Variants in EYA2 observed in about 807,000 individuals in gnomAD.
EYA2 encodes protein phosphatase EYA2.
Under a neutral mutation model 69.2 loss-of-function variants are expected in EYA2, and 31 were observed. That is an observed-to-expected ratio of 0.45 (90% CI 0.34 to 0.60). The LOEUF is 0.60. Among genes scored for constraint, EYA2 ranks in the 20% least tolerant of loss-of-function variants. EYA2 has a pLI of 0.02. For missense variants in EYA2, 622 were observed against 701.2 expected, an observed-to-expected ratio of 0.89 and a Z score of 1.28; for synonymous variants, 257 against 279.4, an observed-to-expected ratio of 0.92 and a Z score of 0.80.
chr20:47,065,594 T>C (rs1171686213), intron 5 of EYA2, among the ~76,000 whole-genome samples: 1 of 152,230 alleles, frequency 6.6e-6, no homozygotes, highest in Non-Finnish European at 1.5e-5. Context: ...TAAATTTGTT[T>C]AATTTTTATT....
chr20:47,062,190 C>G (rs1200319481), intron 5 of EYA2, among the ~76,000 whole-genome samples: 1 of 152,206 alleles, frequency 6.6e-6, no homozygotes, highest in Non-Finnish European at 1.5e-5. Context: ...CCTCGGACCA[C>G]CACCCCAGGA....
chr20:47,041,668 C>T (rs1384370203), intron 5 of EYA2, among the ~76,000 whole-genome samples: 2 of 151,526 alleles, frequency 1.3e-5, no homozygotes, highest in Admixed American at 6.6e-5. Flanking sequence ...TTGTTGGACT[C>T]GGTAGGAAGG....
At chr20:47,041,987 A>G (rs1056385998) in intron 5 of EYA2, among the ~76,000 whole-genome samples, 1 of 152,146 alleles carries the variant, frequency 6.6e-6, no homozygotes, top group Non-Finnish European at 1.5e-5. Context: ...ATAAAATTAT[A>G]AAATAAATAT....
intron 1 of EYA2, among the ~76,000 whole-genome samples, chr20:46,913,116 A>G (rs1984734910): frequency 1.3e-5 from 2 of 152,206 alleles, no homozygotes; most frequent in African/African-American, 4.8e-5. Context: ...AAATACTCCC[A>G]CCATGGTCAC....
chr20:46,941,355 GA>G (rs531687737), intron 1 of EYA2, among the ~76,000 whole-genome samples: 119 of 152,350 alleles, frequency 7.8e-4, no homozygotes, highest in African/African-American at 2.8e-3. Flanking sequence ...GAAGTAGAAC[GA>G]AACTCCTAAG....
At chr20:47,155,630 G>A (rs980729360) in intron 10 of EYA2, among the ~76,000 whole-genome samples, 13 of 151,886 alleles carry the variant, frequency 8.6e-5, no homozygotes, top group African/African-American at 2.2e-4. Context: ...CAGGCATTGC[G>A]CATGAACCAT....
rs59780173 is a variant in EYA2, at chr20:47,149,688, CAAAAA to C, written c.978+6559_978+6563del. Reference sequence around the variant, plus strand: ...CAAAACCCCATCTCTACTAAAAATACAAAAAAAAAAAAAAAAAAAAAAATTAGCCA... The same window carrying C: ...CAAAACCCCATCTCTACTAAAAATACAAAAAAAAAAAAAAAAAATTAGCCA... On this transcript the variant is annotated intron_variant, in intron 10 of 15. Transcript: ENST00000327619. 4.6e-3 allele frequency among the ~76,000 whole-genome samples: 470 copies of C among 102,712 alleles called. 5 individuals carry two copies. The highest frequency in any genetic ancestry group is 0.015 in the African/African-American group (413 of 26,984). 67.4% of individuals were successfully genotyped at this position (102,712 alleles called of 152,430 possible).
rs374302302 is a variant in EYA2, at chr20:46,992,416, CATTT to C, written c.109+2299_109+2302del. 3.1e-4 allele frequency among the ~76,000 whole-genome samples: 47 copies of C among 152,358 alleles called. 1 individual carries two copies. The highest frequency in any genetic ancestry group is 1.1e-3 in the African/African-American group (46 of 41,584). ...CTGATCAGTACTCTGTACTATTTCT[CATTT>C]AATTATTATACAACTGGTAGGCTAT... On this transcript the variant is annotated intron_variant, in intron 2 of 15. Coordinates refer to ENST00000327619, the MANE Select transcript of EYA2 (RefSeq NM_005244.5).
chr20:47,029,500 A>G (rs550205773), intron 5 of EYA2, among the ~76,000 whole-genome samples: 2 of 152,360 alleles, frequency 1.3e-5, no homozygotes, highest in Admixed American at 6.5e-5. Flanking sequence ...CTGTATCTGC[A>G]GGGGAAGCAT....
chr20:47,055,520 C>T (rs1029105437), intron 5 of EYA2, among the ~76,000 whole-genome samples: 2 of 152,142 alleles, frequency 1.3e-5, no homozygotes, highest in African/African-American at 2.4e-5. Flanking sequence ...TTGCTGCGAC[C>T]GCCTTACCTG....
rs373256218 is a variant in EYA2, at chr20:47,052,022, AAT to A, written c.416-20161_416-20160del. Among the ~76,000 whole-genome samples, 927 of 152,318 alleles carry A rather than the reference AAT, an allele frequency of 6.1e-3. 7 individuals carry two copies. The highest frequency in any genetic ancestry group is 0.021 in the African/African-American group (855 of 41,560). Reference sequence around the variant, plus strand: ...TGTTGTGTGCCAGGTTCCAGCTGGAAATAGTGCCGAGAACAAAACAGATACTC... The same window carrying A: ...TGTTGTGTGCCAGGTTCCAGCTGGAAAGTGCCGAGAACAAAACAGATACTC... On this transcript the variant is annotated intron_variant, in intron 5 of 15. Transcript: ENST00000327619.
chr20:47,032,629 T>C (rs1450146084), intron 5 of EYA2, among the ~76,000 whole-genome samples: 2 of 152,188 alleles, frequency 1.3e-5, no homozygotes, highest in Non-Finnish European at 2.9e-5. Context: ...CCCACTTTAG[T>C]CTCTTGTTTG....
chr20:46,904,548 G>C (rs76073472), intron 1 of EYA2, among the ~76,000 whole-genome samples: 1,652 of 152,114 alleles, frequency 0.011, 31 homozygotes, highest in African/African-American at 0.036. Context: ...CGCTGCTATT[G>C]AGCAGTCTTT....
intron 5 of EYA2, 21 bp from the exon 6 acceptor site, chr20:47,072,164 C>A (rs1175414591): frequency 8.1e-6 from 13 of 1,608,012 alleles, no homozygotes; most frequent in Non-Finnish European, 1.1e-5. Flanking sequence ...TAACCTGTAC[C>A]CCTGTTCCTC....
chr20:47,162,028 C>A (rs2034078866), intron 10 of EYA2, among the ~76,000 whole-genome samples: 1 of 152,142 alleles, frequency 6.6e-6, no homozygotes, highest in Non-Finnish European at 1.5e-5. Flanking sequence ...AAGGGAGAAT[C>A]TTTTCCTTGC....
intron 5 of EYA2, among the ~76,000 whole-genome samples, chr20:47,065,954 C>T (rs1044594888): frequency 2.6e-5 from 4 of 152,164 alleles, no homozygotes; most frequent in Admixed American, 6.5e-5. Flanking sequence ...GTCTGCCACA[C>T]GGTGATATTT....
At chr20:47,079,253 A>G (rs1389459578) in intron 7 of EYA2, among the ~76,000 whole-genome samples, 1 of 152,256 alleles carries the variant, frequency 6.6e-6, no homozygotes, top group Non-Finnish European at 1.5e-5. Flanking sequence ...ACAAATTATT[A>G]TGACCTTTGT....
At chr20:46,963,556 C>G (rs199878653) in intron 1 of EYA2, among the ~76,000 whole-genome samples, 2 of 152,232 alleles carry the variant, frequency 1.3e-5, no homozygotes, top group Non-Finnish European at 2.9e-5. Context: ...GGGTCATGTG[C>G]AAGACCTAGG....
chr20:47,108,060 G>C (rs1440393175), intron 9 of EYA2, among the ~76,000 whole-genome samples: 1 of 152,196 alleles, frequency 6.6e-6, no homozygotes, highest in East Asian at 1.9e-4. Flanking sequence ...CTGGAGCACA[G>C]CAGACTGACT....
Sources: allele counts gnomAD v4.1 joint callset (sites outside exome capture counted in the v4.1 genomes callset), GRCh38; gene constraint gnomAD v4.1.1; transcripts MANE v1.5; gene names NCBI Gene and HGNC (gene_info 2026-07-23, HGNC 2026-07-21).